Variants in CDC42BPA observed in about 807,000 individuals in gnomAD.
CDC42BPA encodes the protein serine/threonine-protein kinase MRCK alpha.
In CDC42BPA, 80 loss-of-function variants were observed where a neutral mutation model predicts 223.5. The ratio of observed to expected loss-of-function variants is 0.36; its 90% CI spans 0.30 to 0.43. The LOEUF (loss-of-function observed/expected upper bound fraction) is 0.43, where lower values mean the gene tolerates loss of function less well. CDC42BPA is among the 20% of genes least tolerant of loss of function. The pLI, the probability that CDC42BPA is intolerant of heterozygous loss-of-function variation, is 1.00. For synonymous variants in CDC42BPA, 694 were observed against 718.6 expected, an observed-to-expected ratio of 0.97 and a Z score of 0.55; for missense variants, 1,743 against 2,099.9, an observed-to-expected ratio of 0.83 and a Z score of 3.32.
chr1:227,288,752 TGGAA>T lies in CDC42BPA; in HGVS notation c.178+28249_178+28252del, dbSNP rs1365789207. On this transcript the variant is annotated intron_variant, in intron 1 of 36. Transcript: ENST00000366766. ...GCTCATGCCTGCAATCCCAACACTT[TGGAA>T]GGCTGAGGCGGGCAGATCACCTGAG... 3.3e-5 allele frequency among the ~76,000 whole-genome samples: 5 copies of T among 152,182 alleles called. No homozygotes were observed. The East Asian group carries it at 5.8e-4, about 18-fold the overall frequency.
At chr1:227,306,121 G>A (rs944890750) in intron 1 of CDC42BPA, among the ~76,000 whole-genome samples, 9 of 145,234 alleles carry the variant, frequency 6.2e-5, no homozygotes, top group South Asian at 2.2e-4. Flanking sequence ...CATGATCAAA[G>A]GATCATGTTC....
At chr1:227,072,741 A>T (rs569241458) in intron 19 of CDC42BPA, among the ~76,000 whole-genome samples, 11 of 152,188 alleles carry the variant, frequency 7.2e-5, no homozygotes, top group Non-Finnish European at 1.6e-4. Flanking sequence ...GAGCACATAC[A>T]GGAGTAAGTT....
chr1:227,276,157 G>A (rs1009056176), intron 1 of CDC42BPA, among the ~76,000 whole-genome samples: 1 of 151,886 alleles, frequency 6.6e-6, no homozygotes, highest in Non-Finnish European at 1.5e-5. Context: ...AGGAAGTGAG[G>A]AGCGTCTCTG....
In CDC42BPA at chr1:227,248,069, A is replaced by G. The variant is rs146581458; in HGVS notation, c.270+5995T>C. ...TACACAGAGGTGACAAAAGAATGAAAAAGAATGAAGCATGTATAAGATCTA... is the reference window on the plus strand; with the variant it reads ...TACACAGAGGTGACAAAAGAATGAAGAAGAATGAAGCATGTATAAGATCTA... On this transcript the variant is annotated intron_variant, in intron 2 of 36. Transcript: ENST00000366766. 3.1e-3 allele frequency among the ~76,000 whole-genome samples: 477 copies of G among 152,202 alleles called. 11 individuals carry two copies. Among genetic ancestry groups the G allele is most frequent in the Admixed American group, 0.028 (423 of 15,274 alleles).
chr1:227,174,848 C>T lies in CDC42BPA; in HGVS notation c.600-14212G>A, dbSNP rs1558677213. ...CAAAGATAGGAAAGCACGTATATTCCACTAAGTTTCACTAAGTTTCATGTA... is the reference window on the plus strand; with the variant it reads ...CAAAGATAGGAAAGCACGTATATTCTACTAAGTTTCACTAAGTTTCATGTA... On this transcript the variant is annotated intron_variant, in intron 5 of 36. Transcript: ENST00000366766. 2.0e-5 allele frequency among the ~76,000 whole-genome samples: 3 copies of T among 152,104 alleles called. No homozygotes were observed. The East Asian group carries it at 5.8e-4, about 29-fold the overall frequency.
chr1:227,114,550 T>A (rs1044333024), intron 12 of CDC42BPA, among the ~76,000 whole-genome samples: 2 of 151,566 alleles, frequency 1.3e-5, no homozygotes, highest in African/African-American at 4.8e-5. Flanking sequence ...AATGTGTATA[T>A]AAGATTATAC....
intron 28 of CDC42BPA, 46 bp from the exon 29 acceptor site, chr1:227,030,516 A>C (rs1669086873): frequency 8.6e-7 from 1 of 1,160,282 alleles, no homozygotes; most frequent in Non-Finnish European, 1.2e-6. Context: ...GAAAAAAACC[A>C]TGTAATGCTA....
chr1:227,239,712 A>G (rs10799410), intron 2 of CDC42BPA, among the ~76,000 whole-genome samples: 3 of 152,060 alleles, frequency 2.0e-5, no homozygotes, highest in Admixed American at 6.6e-5. Context: ...ATCAATAACT[A>G]TATTTTTTAA....
At chr1:227,249,671 G>C (rs1355408424) in intron 2 of CDC42BPA, among the ~76,000 whole-genome samples, 1 of 152,078 alleles carries the variant, frequency 6.6e-6, no homozygotes, top group African/African-American at 2.4e-5. Context: ...AAAGACATAC[G>C]AATGGCAAAC....
chr1:227,318,437 T>TGAG lies in CDC42BPA; in HGVS notation c.-1256_-1255insCTC, dbSNP rs1694733092. The TGAG allele has an allele frequency of 6.6e-6, 1 of 151,782 alleles. No homozygotes were observed. Among genetic ancestry groups the TGAG allele is most frequent in the Non-Finnish European group, 1.5e-5 (1 of 68,122 alleles). 9.4% of individuals were successfully genotyped at this position (151,782 alleles called of 1,614,324 possible). A position where few individuals can be genotyped will look rare whatever the true frequency, so the allele number is the denominator to read the frequency against. On this transcript the variant is annotated 5_prime_UTR_variant, in exon 1 of 37. Transcript: ENST00000366766. The stretch of plus-strand genomic sequence containing the variant: ...GCTCGCGCCCTGGGCTCAGCGAGGC[T>TGAG]CCTCCAGTCCCGCCGCACAGAGGCG...
intron 5 of CDC42BPA, among the ~76,000 whole-genome samples, chr1:227,187,685 CCCCCAA>C (rs1669047079): frequency 1.2e-5 from 1 of 84,598 alleles, no homozygotes; most frequent in African/African-American, 4.5e-5. Context: ...CCCCACCCCC[CCCCCAA>C]AAAAAAAAAA....
At chr1:227,137,234 A>G (rs1658753159) in intron 10 of CDC42BPA, among the ~76,000 whole-genome samples, 2 of 152,154 alleles carry the variant, frequency 1.3e-5, no homozygotes, top group Non-Finnish European at 2.9e-5. Flanking sequence ...AAGACTAGAT[A>G]TCCAAATGGA....
intron 21 of CDC42BPA, among the ~76,000 whole-genome samples, chr1:227,060,373 T>C (rs1362193860): frequency 6.6e-6 from 1 of 152,180 alleles, no homozygotes; most frequent in Non-Finnish European, 1.5e-5. Flanking sequence ...TAACATTCAG[T>C]GCAACCTAAC....
chr1:227,155,598 A>G (rs1662600816), intron 6 of CDC42BPA, among the ~76,000 whole-genome samples: 1 of 152,172 alleles, frequency 6.6e-6, no homozygotes, highest in Admixed American at 6.5e-5. Flanking sequence ...CTCCATGGGA[A>G]AAAAAGGAAC....
intron 11 of CDC42BPA, among the ~76,000 whole-genome samples, chr1:227,126,476 GA>G (rs755910497): frequency 7.3e-5 from 3 of 41,344 alleles, no homozygotes; most frequent in Non-Finnish European, 1.4e-4. Flanking sequence ...AGGAAGGAAG[GA>G]AGGAAGGAAG....
At chr1:227,157,255 C>A (rs1467284349) in intron 6 of CDC42BPA, among the ~76,000 whole-genome samples, 3 of 152,160 alleles carry the variant, frequency 2.0e-5, no homozygotes, top group Admixed American at 1.3e-4. Flanking sequence ...CAAACAGTAT[C>A]ATTTCCTTTG....
chr1:227,117,245 A>C (rs1298871549), intron 12 of CDC42BPA, among the ~76,000 whole-genome samples: 5 of 152,258 alleles, frequency 3.3e-5, no homozygotes, highest in East Asian at 1.9e-4. Flanking sequence ...AATAGTAATA[A>C]ATATAGATAG....
At chr1:227,238,801 T>C (rs74433506) in intron 2 of CDC42BPA, among the ~76,000 whole-genome samples, 7,589 of 152,218 alleles carry the variant, frequency 0.05, 235 homozygotes, top group Non-Finnish European at 0.072. Flanking sequence ...AATTGGAACA[T>C]GTATGCACCA....
chr1:227,089,793 G>C (rs1236325105), intron 16 of CDC42BPA, among the ~76,000 whole-genome samples: 1 of 151,980 alleles, frequency 6.6e-6, no homozygotes, highest in African/African-American at 2.4e-5. Context: ...CTCTAAATAT[G>C]TATTTTGGAT....
Sources: gnomAD v4.1 joint callset for allele counts (sites outside exome capture counted in the v4.1 genomes callset) on GRCh38, gnomAD v4.1.1 for gene constraint, MANE v1.5 for transcripts, NCBI Gene and HGNC (gene_info 2026-07-23, HGNC 2026-07-21) for gene names.